The following MTUS2 variants were observed in gnomAD, a reference collection of about 807,000 sequenced individuals.
MTUS2 encodes the protein microtubule associated scaffold protein 2, also known as microtubule-associated tumor suppressor candidate 2.
A neutral mutation model predicts 114.1 loss-of-function variants in MTUS2; 40 were observed. That is an observed-to-expected ratio of 0.35 (90% CI 0.27 to 0.46). The LOEUF (loss-of-function observed/expected upper bound fraction) is 0.46, where lower values mean the gene tolerates loss of function less well. Ranked by LOEUF, MTUS2 falls within the 20% of genes least tolerant of loss-of-function variation. The probability of loss-of-function intolerance (pLI) is 1.00; values close to 1 mark genes in which losing one functional copy is unlikely to be tolerated. For missense variants in MTUS2, 1,679 were observed against 1,705.4 expected (o/e 0.98, Z 0.27); for synonymous variants, 688 against 672.0 (o/e 1.02, Z -0.37).
intron 1 of MTUS2, among the ~76,000 whole-genome samples, chr13:28,832,509 GA>G (rs1389757558): frequency 1.3e-4 from 7 of 55,746 alleles, no homozygotes; most frequent in Non-Finnish European, 3.3e-4. Context: ...TACTTAGAGG[GA>G]TTTTTTTTTT....
In MTUS2 at chr13:29,470,620, C is replaced by T. The variant is rs117043257; in HGVS notation, c.3185-9530C>T. On this transcript the variant is annotated intron_variant, in intron 9 of 15. Coordinates refer to ENST00000612955, the MANE Select transcript of MTUS2 (RefSeq NM_001033602.4). Reference sequence around the variant, plus strand: ...TGCAACTACCAGAGGGATTTAAAAGCTTCATTCGTTCCTGTTATCCCGTTT... The same window carrying T: ...TGCAACTACCAGAGGGATTTAAAAGTTTCATTCGTTCCTGTTATCCCGTTT... Among the ~76,000 whole-genome samples the T allele has an allele frequency of 6.0e-3, 907 of 152,362 alleles. 7 individuals carry two copies. Among genetic ancestry groups the T allele is most frequent in the Non-Finnish European group, 0.01 (698 of 68,036 alleles).
chr13:28,899,587 T>G (rs1287528680), intron 2 of MTUS2, among the ~76,000 whole-genome samples: 3 of 152,026 alleles, frequency 2.0e-5, no homozygotes, highest in Admixed American at 1.3e-4. Flanking sequence ...TTTTTTTGAA[T>G]TTTTAGTAGA....
At position 29,011,992 on chromosome 13, in the gene MTUS2, G is replaced by A. The variant is rs188358455; in HGVS notation, c.-242-12465G>A. Reference sequence around the variant, plus strand: ...GGAGCCCTGTGTAAAGTGACCTGGTGCAGGCTTTTGAGCTGTAAGTGAACC... The same window carrying A: ...GGAGCCCTGTGTAAAGTGACCTGGTACAGGCTTTTGAGCTGTAAGTGAACC... On this transcript the variant is annotated intron_variant, in intron 2 of 15. Coordinates refer to ENST00000612955, the MANE Select transcript of MTUS2 (RefSeq NM_001033602.4). 2.6e-3 allele frequency among the ~76,000 whole-genome samples: 401 copies of A among 152,312 alleles called. 1 individual carries two copies. Among genetic ancestry groups the A allele is most frequent in the African/African-American group, 9.0e-3 (374 of 41,570 alleles).
chr13:29,410,901 G>A (rs901821661), intron 8 of MTUS2, among the ~76,000 whole-genome samples: 4 of 152,080 alleles, frequency 2.6e-5, no homozygotes, highest in East Asian at 1.9e-4. Flanking sequence ...GCACGATCTC[G>A]GCTCACTGCA....
intron 2 of MTUS2, among the ~76,000 whole-genome samples, chr13:29,020,418 G>A (rs1886244439): frequency 6.6e-6 from 1 of 152,058 alleles, no homozygotes; most frequent in East Asian, 1.9e-4. Flanking sequence ...TTAGTAGAAG[G>A]CCTTGGATTG....
chr13:29,039,724 T>A (rs1351298189), intron 4 of MTUS2, among the ~76,000 whole-genome samples: 1 of 152,246 alleles, frequency 6.6e-6, no homozygotes, highest in Non-Finnish European at 1.5e-5. Flanking sequence ...GGATACTCTT[T>A]CAAGGAAAAA....
At chr13:29,006,900 G>A (rs944550709) in intron 2 of MTUS2, among the ~76,000 whole-genome samples, 2 of 152,162 alleles carry the variant, frequency 1.3e-5, no homozygotes, top group African/African-American at 2.4e-5. Flanking sequence ...AGGGACAGGT[G>A]GGGATGTGGT....
intron 2 of MTUS2, among the ~76,000 whole-genome samples, chr13:29,002,903 C>A (rs1251419157): frequency 1.3e-5 from 2 of 152,170 alleles, no homozygotes; most frequent in Non-Finnish European, 2.9e-5. Flanking sequence ...CCCAGTGATG[C>A]TAGGTAATAG....
chr13:28,941,795 C>G (rs557125086), intron 2 of MTUS2, among the ~76,000 whole-genome samples: 1 of 152,068 alleles, frequency 6.6e-6, no homozygotes, highest in South Asian at 2.1e-4. Context: ...TACCGATGAG[C>G]TTTTAGTGCT....
chr13:28,856,386 A>G (rs1876630097), intron 2 of MTUS2, among the ~76,000 whole-genome samples: 1 of 152,200 alleles, frequency 6.6e-6, no homozygotes, highest in South Asian at 2.1e-4. Flanking sequence ...AATGCAGCCA[A>G]CAATGTGGGA....
Position 29,025,488 on chromosome 13 carries a change from G to T in MTUS2, c.790G>T (p.Ala264Ser), listed in dbSNP as rs1191348695. The T allele has an allele frequency of 3.1e-6, 5 of 1,613,304 alleles. No individual in the cohort carries two copies. The highest frequency in any genetic ancestry group is 4.2e-6 in the Non-Finnish European group (5 of 1,179,676). Residue 264 changes from alanine (A) to serine (S), a missense_variant, in exon 3 of 16, where the codon GCA (alanine) becomes TCA (serine). Ala to Ser is a moderately conservative substitution (Grantham distance 99). Coordinates refer to ENST00000612955, the MANE Select transcript of MTUS2 (RefSeq NM_001033602.4). ...TCCCTCAGAGACCCAAACAGTGGGG[G>T]CACATGTACTGCAGGTGTGCAGTGA... ...STPSETQTVG[A>S]HVLQVCSEHT...
At chr13:29,148,161 T>C (rs1892512232) in intron 5 of MTUS2, among the ~76,000 whole-genome samples, 1 of 152,112 alleles carries the variant, frequency 6.6e-6, no homozygotes, top group South Asian at 2.1e-4. Flanking sequence ...TATCGTATTG[T>C]GGTTTTGATT....
intron 6 of MTUS2, among the ~76,000 whole-genome samples, chr13:29,292,651 G>A (rs1593269113): frequency 2.0e-5 from 3 of 152,212 alleles, no homozygotes; most frequent in Admixed American, 2.0e-4. Context: ...ATTAAATATA[G>A]TAAGTTTTAT....
intron 5 of MTUS2, among the ~76,000 whole-genome samples, chr13:29,106,537 T>G (rs1890676058): frequency 6.6e-6 from 1 of 152,116 alleles, no homozygotes; most frequent in Non-Finnish European, 1.5e-5. Flanking sequence ...TTTTGTATTT[T>G]TAGTAGATGG....
chr13:29,212,196 G>T (rs762891119), intron 5 of MTUS2, among the ~76,000 whole-genome samples: 1 of 151,782 alleles, frequency 6.6e-6, no homozygotes, highest in African/African-American at 2.4e-5. Flanking sequence ...TTCTTCTTTG[G>T]TCCATGGTTA....
intron 5 of MTUS2, among the ~76,000 whole-genome samples, chr13:29,156,879 T>G (rs1251356496): frequency 6.6e-6 from 1 of 152,184 alleles, no homozygotes; most frequent in Admixed American, 6.5e-5. Flanking sequence ...CATGTGCAAG[T>G]GGTATACATA....
chr13:29,346,569 G>A (rs1868713031), intron 7 of MTUS2, among the ~76,000 whole-genome samples: 1 of 116,024 alleles, frequency 8.6e-6, no homozygotes, highest in African/African-American at 3.2e-5. Flanking sequence ...CCAACAGCAC[G>A]AGAGGGACAT....
chr13:29,157,814 A>G (rs554675729), intron 5 of MTUS2, among the ~76,000 whole-genome samples: 12 of 151,890 alleles, frequency 7.9e-5, no homozygotes, highest in South Asian at 2.1e-4. Context: ...AGATACAGAT[A>G]TAGATGTAGA....
chr13:29,492,984 A>G, intron 12 of MTUS2, among the ~76,000 whole-genome samples: 1 of 152,194 alleles, frequency 6.6e-6, no homozygotes, highest in Non-Finnish European at 1.5e-5. Flanking sequence ...ATTCAGAGAG[A>G]TTACTCTGCA....
Sources: allele counts gnomAD v4.1 joint callset (sites outside exome capture counted in the v4.1 genomes callset), GRCh38; gene constraint gnomAD v4.1.1; transcripts MANE v1.5; gene names NCBI Gene and HGNC (gene_info 2026-07-23, HGNC 2026-07-21).